Variants in ASB14 observed in about 807,000 individuals in gnomAD.
ASB14 encodes the protein ankyrin repeat and SOCS box containing 14.
ASB14 carries 63 observed loss-of-function variants against 55.6 expected under a neutral mutation model. The observed-to-expected ratio is 1.13, with a 90% CI of 0.92 to 1.40. The LOEUF is 1.40. Among genes scored for constraint, ASB14 ranks in the 40% most tolerant of loss-of-function variants. The pLI, the probability that ASB14 is intolerant of heterozygous loss-of-function variation, is 0.00. For missense variants in ASB14, 724 were observed against 710.4 expected, an observed-to-expected ratio of 1.02 and a Z score of -0.22; for synonymous variants, 256 against 259.9, an observed-to-expected ratio of 0.98 and a Z score of 0.15.
intron 3 of ASB14, among the ~76,000 whole-genome samples, chr3:57,288,765 A>G (rs1409237127): frequency 7.9e-6 from 1 of 126,124 alleles, no homozygotes; most frequent in African/African-American, 3.1e-5. Flanking sequence ...CCCAGACTGG[A>G]GTGTGGTGGC....
chr3:57,280,531 C>G lies in ASB14; in HGVS notation c.716-58G>C, dbSNP rs575779708. 1.5e-5 allele frequency: 22 copies of G among 1,460,812 alleles called. No individual in the cohort carries two copies. In the South Asian group the frequency reaches 2.6e-4, roughly 17 times the overall value. The allele number at this position is 1,460,812 out of a possible 1,614,324, so 90.5% of individuals were successfully genotyped here. ...ATTATTTTCCACTGTATTTCTTGAG[C>G]AATCTTAAAAATATATCCCCATCAC... On this transcript the variant is annotated intron_variant, in intron 6 of 10. Transcript: ENST00000487349.
At position 57,291,893 on chromosome 3, in the gene ASB14, C is replaced by A; in HGVS notation, c.122+19G>T. The A allele has an allele frequency of 6.6e-7, 1 of 1,518,320 alleles. No individual in the cohort carries two copies. The highest frequency in any genetic ancestry group is 1.2e-5 in the South Asian group (1 of 83,326). 94.1% of individuals were successfully genotyped at this position (1,518,320 alleles called of 1,614,324 possible). A position where few individuals can be genotyped will look rare whatever the true frequency, so the allele number is the denominator to read the frequency against. ...GAATACAACACTTAATACTATATTG[C>A]CGATGAGAAAACCATTACCTCTCAT... is the stretch of plus-strand genomic sequence containing the variant. On this transcript the variant is annotated intron_variant, in intron 2 of 10. Coordinates refer to ENST00000487349, the MANE Select transcript of ASB14 (RefSeq NM_001142733.3).
chr3:57,286,119 C>T (rs1169240917), intron 5 of ASB14, among the ~76,000 whole-genome samples: 1 of 152,114 alleles, frequency 6.6e-6, no homozygotes, highest in African/African-American at 2.4e-5. Context: ...AACTATTATT[C>T]ACCACCAATT....
At position 57,268,411 on chromosome 3, in the gene ASB14, C is replaced by T; in HGVS notation, c.*1230G>A. ...TCTGTTCTTTAGGATCGTAGGGCAT[C>T]AGAAAAACAAAAAGAAATAGAGAGA... On this transcript the variant is annotated 3_prime_UTR_variant, in exon 11 of 11. Coordinates refer to ENST00000487349, the MANE Select transcript of ASB14 (RefSeq NM_001142733.3). The T allele has an allele frequency of 6.3e-7, 1 of 1,587,474 alleles. No homozygotes were observed. Among genetic ancestry groups the T allele is most frequent in the Non-Finnish European group, 8.6e-7 (1 of 1,164,078 alleles).
At position 57,269,426 on chromosome 3, in the gene ASB14, G is replaced by C; in HGVS notation, c.*215C>G. On this transcript the variant is annotated 3_prime_UTR_variant, in exon 11 of 11. Transcript: ENST00000487349. ...TTTTCTTTTTATCAAGTTGTCAGAA[G>C]TATGCATACATATTTATGACAGAAG... 9.8e-7 allele frequency: 1 copy of C among 1,021,250 alleles called. No individual in the cohort carries two copies. The highest frequency in any genetic ancestry group is 2.6e-5 in the East Asian group (1 of 38,924). The allele number at this position is 1,021,250 out of a possible 1,614,324, so 63.3% of individuals were successfully genotyped here.
Position 57,283,248 on chromosome 3 carries a change from C to T in ASB14, c.661G>A (p.Ala221Thr), listed in dbSNP as rs567413239. 3.2e-6 allele frequency: 5 copies of T among 1,552,112 alleles called. No individual in the cohort carries two copies. In the South Asian group the frequency reaches 5.9e-5, roughly 18 times the overall value. The change falls in exon 6 of 11, where the codon GCT becomes ACT. Residue 221 changes from alanine (A) to threonine (T), a missense_variant. Ala to Thr is a moderately conservative substitution (Grantham distance 58). Coordinates refer to ENST00000487349, the MANE Select transcript of ASB14 (RefSeq NM_001142733.3). ...PQSTYGFTPLALAAQSGHTEI... is the reference protein window; with the variant it reads ...PQSTYGFTPLTLAAQSGHTEI... ...GTGTGTCCACTTTGGGCAGCAAGAG[C>T]AAGAGGAGTGAATCCATACGTGCTC...
In ASB14 at chr3:57,288,072, C is replaced by A. The variant is rs771633599; in HGVS notation, c.311-13G>T. The stretch of plus-strand genomic sequence containing the variant: ...CTGGGGTCTGAAGCTGAAATAAATT[C>A]ATCATACCACACAAATTAAGATATA... On this transcript the variant is annotated splice_polypyrimidine_tract_variant and intron_variant, in intron 4 of 10. Coordinates refer to ENST00000487349, the MANE Select transcript of ASB14 (RefSeq NM_001142733.3). 10 of 1,536,550 alleles carry A rather than the reference C, an allele frequency of 6.5e-6. No homozygotes were observed. Among genetic ancestry groups the A allele is most frequent in the Non-Finnish European group, 7.0e-6 (8 of 1,146,356 alleles).
At chr3:57,269,754 A>AAGG in intron 10 of ASB14, 136 bp from the exon 11 acceptor site, 1 of 1,532,504 alleles carries the variant, frequency 6.5e-7, no homozygotes, top group South Asian at 1.2e-5. Flanking sequence ...GGCAGAAGGT[A>AAGG]ACAACTATGT....
intron 4 of ASB14, 22 bp downstream of exon 4, chr3:57,288,133 A>C: frequency 6.5e-7 from 1 of 1,536,578 alleles, no homozygotes; most frequent in South Asian, 1.2e-5. Flanking sequence ...AGAAGCATCA[A>C]GAAGAATCAA....
At chr3:57,283,044 C>T in intron 6 of ASB14, 150 bp downstream of exon 6, 1 of 1,142,236 alleles carries the variant, frequency 8.8e-7, no homozygotes, top group Non-Finnish European at 1.2e-6. Flanking sequence ...TGTTAGGCTT[C>T]TCAGTAATCA....
intron 10 of ASB14, chr3:57,272,865 C>G (rs1258164762): frequency 6.6e-6 from 1 of 152,238 alleles, no homozygotes; most frequent in African/African-American, 2.4e-5. Context: ...TCCCAAAGTG[C>G]TGGGATTACA....
At position 57,284,205 on chromosome 3, in the gene ASB14, C is replaced by T. The variant is rs181478063; in HGVS notation, c.470-766G>A. Among the ~76,000 whole-genome samples, 614 of 151,846 alleles carry T rather than the reference C, an allele frequency of 4.0e-3. 4 individuals are homozygous for T. Among genetic ancestry groups the T allele is most frequent in the Admixed American group, 0.015 (229 of 15,238 alleles). ...GCAGTGGTACGATCATAGCTCCCTG[C>T]AGCCTTGAACTGCTGGGCTCAGTCA... On this transcript the variant is annotated intron_variant, in intron 5 of 10. Transcript: ENST00000487349.
chr3:57,268,575 A>C lies in ASB14; in HGVS notation c.*1066T>G. 7.0e-7 allele frequency: 1 copy of C among 1,432,646 alleles called. No homozygotes were observed. The highest frequency in any genetic ancestry group is 9.2e-7 in the Non-Finnish European group (1 of 1,085,462). The allele number at this position is 1,432,646 out of a possible 1,614,324, so 88.7% of individuals were successfully genotyped here. On this transcript the variant is annotated 3_prime_UTR_variant, in exon 11 of 11. Transcript: ENST00000487349. Reference sequence around the variant, plus strand: ...ACTTTCAGATTTGAATTTCCAAATGAAGGGCTGTTTCTGCTTGTTCAGCCA... The same window carrying C: ...ACTTTCAGATTTGAATTTCCAAATGCAGGGCTGTTTCTGCTTGTTCAGCCA...
At position 57,277,752 on chromosome 3, in the gene ASB14, G is replaced by T; in HGVS notation, c.1585+15C>A. 1 of 1,588,934 alleles carries T rather than the reference G, an allele frequency of 6.3e-7. No homozygotes were observed. Among genetic ancestry groups the T allele is most frequent in the South Asian group, 1.2e-5 (1 of 86,644 alleles). On this transcript the variant is annotated intron_variant, in intron 9 of 10. Coordinates refer to ENST00000487349, the MANE Select transcript of ASB14 (RefSeq NM_001142733.3). ...GTACTTTTGTAAAAAGTCATTCTAT[G>T]AGAAGGATACTTACTTAAGATAAAA...
intron 7 of ASB14, among the ~76,000 whole-genome samples, chr3:57,279,962 C>G (rs1222471983): frequency 1.3e-5 from 2 of 151,870 alleles, no homozygotes; most frequent in Non-Finnish European, 2.9e-5. Context: ...TGACTCAAAG[C>G]CTTTGTCATT....
At position 57,278,924 on chromosome 3, in the gene ASB14, A is replaced by T. The variant is rs760238877; in HGVS notation, c.888-4T>A. 1.9e-6 allele frequency: 3 copies of T among 1,605,572 alleles called. No individual in the cohort carries two copies. The highest frequency in any genetic ancestry group is 1.7e-5 in the Admixed American group (1 of 59,732). On this transcript the variant is annotated splice_polypyrimidine_tract_variant and splice_region_variant and intron_variant, in intron 7 of 10. Transcript: ENST00000487349. The stretch of plus-strand genomic sequence containing the variant: ...TGGAATCAGTATCTTTAGAGCTCTG[A>T]GAAAGAATTTCAAAATGCATTTCAA...
rs755061967 is a variant in ASB14 at position 57,277,771 on chromosome 3, G to T, written c.1581C>A (p.Ile527=). 1 of 1,604,768 alleles carries T rather than the reference G, an allele frequency of 6.2e-7. No individual in the cohort carries two copies. The highest frequency in any genetic ancestry group is 8.5e-7 in the Non-Finnish European group (1 of 1,177,148). The part of the protein sequence containing the change: ...KQGIWSEIHF[I]LTNPRSLKHL... The stretch of plus-strand genomic sequence containing the variant: ...TTCTATGAGAAGGATACTTACTTAA[G>T]ATAAAATGTATTTCTGACCAGATCC... Residue 527 remains isoleucine, a synonymous_variant, in exon 9 of 11, where the codon ATC becomes ATA. Transcript: ENST00000487349.
chr3:57,272,128 A>G (rs570731497), intron 10 of ASB14: 1 of 152,312 alleles, frequency 6.6e-6, no homozygotes, highest in South Asian at 2.1e-4. Flanking sequence ...GAAATCAACA[A>G]AACTCCTTTT....
At chr3:57,291,153 A>C (rs554864315) in intron 2 of ASB14, among the ~76,000 whole-genome samples, 9 of 152,346 alleles carry the variant, frequency 5.9e-5, no homozygotes, top group African/African-American at 1.9e-4. Flanking sequence ...GGTTTGTTAC[A>C]TTTTAAAAAT....
Sources: allele counts gnomAD v4.1 joint callset (sites outside exome capture counted in the v4.1 genomes callset), GRCh38; gene constraint gnomAD v4.1.1; transcripts MANE v1.5; gene names NCBI Gene and HGNC (gene_info 2026-07-23, HGNC 2026-07-21).